The following SERPINB12 variants were observed in gnomAD, a reference collection of about 807,000 sequenced individuals.
The protein encoded by SERPINB12 is serpin B12.
In SERPINB12, 57 loss-of-function variants were observed where a neutral mutation model predicts 41.1. The ratio of observed to expected loss-of-function variants is 1.39; its 90% CI spans 1.12 to 1.73. SERPINB12 has a LOEUF of 1.73. Among genes scored for constraint, SERPINB12 ranks in the 40% most tolerant of loss-of-function variants. The pLI is 0.00. For synonymous variants in SERPINB12, 180 were observed against 181.3 expected, an observed-to-expected ratio of 0.99 and a Z score of 0.06; for missense variants, 536 against 501.9, an observed-to-expected ratio of 1.07 and a Z score of -0.65.
chr18:63,532,138 G>A, the SERPINB12 span, among the ~76,000 whole-genome samples: 68 of 152,214 alleles, frequency 4.5e-4, no homozygotes, highest in Non-Finnish European at 7.9e-4. Context: ...TTTTCTACTA[G>A]GGAAGACTGC....
the SERPINB12 span, among the ~76,000 whole-genome samples, chr18:63,533,755 C>T: frequency 6.6e-6 from 1 of 152,168 alleles, no homozygotes; most frequent in Admixed American, 6.5e-5. Context: ...GAACTTTCAT[C>T]GCCAAAGGAA....
intron 1 of SERPINB12, among the ~76,000 whole-genome samples, chr18:63,555,299 G>T (rs757636479): frequency 2.7e-4 from 41 of 152,294 alleles, no homozygotes; most frequent in Middle Eastern, 3.4e-3. Flanking sequence ...ATGGGAATTT[G>T]CTGGGCATAT....
chr18:63,540,484 C>A (rs1910251136), upstream of SERPINB12, among the ~76,000 whole-genome samples: 1 of 152,096 alleles, frequency 6.6e-6, no homozygotes, highest in African/African-American at 2.4e-5. Flanking sequence ...CAATTTGATA[C>A]AATGCATTCC....
the SERPINB12 span, among the ~76,000 whole-genome samples, chr18:63,532,213 G>A: frequency 6.6e-6 from 1 of 152,194 alleles, no homozygotes; most frequent in Non-Finnish European, 1.5e-5. Flanking sequence ...TTTAGTTCAA[G>A]AGACTCAGGG....
intron 5 of SERPINB12, among the ~76,000 whole-genome samples, chr18:63,562,813 T>A (rs1214909237): frequency 1.3e-5 from 2 of 152,230 alleles, no homozygotes; most frequent in African/African-American, 2.4e-5. Flanking sequence ...AATCTATTAT[T>A]ATGGGATTTA....
Position 63,559,598 on chromosome 18 carries a change from G to C in SERPINB12, c.324G>C (p.Glu108Asp). The C allele has an allele frequency of 6.2e-7, 1 of 1,614,088 alleles. No homozygotes were observed. The highest frequency in any genetic ancestry group is 8.5e-7 in the Non-Finnish European group (1 of 1,179,976). ...CTTAGGCTGGGTCCTTAAACAATGAGAGCGGACTGGTCAGCTGCTACTTTG... is the reference window on the plus strand; with the variant it reads ...CTTAGGCTGGGTCCTTAAACAATGACAGCGGACTGGTCAGCTGCTACTTTG... ...LDQQAGSLNN[E>D]SGLVSCYFGQ... is the part of the protein sequence containing the mutation. The change falls in exon 4 of 8, where the codon GAG (glutamate) becomes GAC (aspartate). Residue 108 changes from glutamate to aspartate, a missense_variant. Transcript: ENST00000382768.
In SERPINB12 at chr18:63,551,594, C is replaced by T. The variant is rs140527595; in HGVS notation, c.-18-4548C>T. 3.3e-3 allele frequency among the ~76,000 whole-genome samples: 507 copies of T among 152,168 alleles called. 2 individuals carry two copies. Among genetic ancestry groups the T allele is most frequent in the African/African-American group, 0.012 (494 of 41,532 alleles). ...CTTATGATGTGATGTGAGATCCATG[C>T]TATGTGTTTATTCTGCTGATGATGG... On this transcript the variant is annotated intron_variant, in intron 1 of 7. Transcript: ENST00000382768.
chr18:63,536,543 G>A, the SERPINB12 span, among the ~76,000 whole-genome samples: 1 of 152,068 alleles, frequency 6.6e-6, no homozygotes. Flanking sequence ...AGAAGAAATT[G>A]TCTTTCTTAT....
chr18:63,519,445 G>A, the SERPINB12 span, among the ~76,000 whole-genome samples: 5 of 152,198 alleles, frequency 3.3e-5, no homozygotes, highest in African/African-American at 9.7e-5. Context: ...AACCCTGTAA[G>A]GTAGGGACTG....
At chr18:63,558,271 C>T in intron 2 of SERPINB12, 81 bp from the exon 3 acceptor site, 1 of 1,399,972 alleles carries the variant, frequency 7.1e-7, no homozygotes. Flanking sequence ...TTGCCATTGT[C>T]TCATTATGAA....
At chr18:63,537,490 G>A (rs189356447), upstream of SERPINB12, among the ~76,000 whole-genome samples, 3 of 152,322 alleles carry the variant, frequency 2.0e-5, no homozygotes, top group South Asian at 2.1e-4. Flanking sequence ...GGTAATGATA[G>A]AGTTGGAACA....
upstream of SERPINB12, among the ~76,000 whole-genome samples, chr18:63,538,005 T>C (rs1245875885): frequency 6.6e-6 from 1 of 152,052 alleles, no homozygotes; most frequent in Non-Finnish European, 1.5e-5. Flanking sequence ...CTTATTCACT[T>C]CTAGATGCAT....
chr18:63,539,471 G>T (rs1410782818), upstream of SERPINB12, among the ~76,000 whole-genome samples: 1 of 152,004 alleles, frequency 6.6e-6, no homozygotes, highest in Non-Finnish European at 1.5e-5. Context: ...GGAAGAGAAG[G>T]TTCTAGATAT....
chr18:63,552,084 A>G (rs1254827918), intron 1 of SERPINB12, among the ~76,000 whole-genome samples: 1 of 152,176 alleles, frequency 6.6e-6, no homozygotes, highest in East Asian at 1.9e-4. Context: ...TGGGAAAATA[A>G]GGATTAGGGA....
chr18:63,554,102 A>C (rs749656153), intron 1 of SERPINB12, among the ~76,000 whole-genome samples: 2 of 152,210 alleles, frequency 1.3e-5, no homozygotes, highest in Non-Finnish European at 2.9e-5. Context: ...TGGCAGAAAG[A>C]AAATGTAGCA....
intron 5 of SERPINB12, 62 bp from the exon 6 acceptor site, chr18:63,563,912 AAATT>A (rs1911002270): frequency 1.1e-5 from 2 of 181,376 alleles, no homozygotes; most frequent in Non-Finnish European, 1.9e-5. Context: ...AAAAAAAAAA[AAATT>A]ATCTACACAA....
At chr18:63,535,447 G>C in the SERPINB12 span, among the ~76,000 whole-genome samples, 4 of 151,994 alleles carry the variant, frequency 2.6e-5, no homozygotes, top group African/African-American at 9.7e-5. Flanking sequence ...TAATCATGAG[G>C]AAACTTAAAA....
the SERPINB12 span, among the ~76,000 whole-genome samples, chr18:63,525,512 A>C: frequency 6.6e-6 from 1 of 152,196 alleles, no homozygotes; most frequent in Admixed American, 6.5e-5. Context: ...TAGTTGTTCT[A>C]TAAAATTTAA....
rs747096543 is a variant in SERPINB12, at chr18:63,565,459, T to C, written c.720T>C (p.Ser240=). The change falls in exon 7 of 8, where the codon AGT becomes AGC. Residue 240 remains serine (S), a synonymous_variant. Transcript: ENST00000382768. ...PFCLNANENK[S]VKMMTQKGLY... Reference sequence around the variant, plus strand: ...GACTACTACAGAATGAAAACAAGAGTGTGAAGATGATGACGCAAAAAGGCC... The same window carrying C: ...GACTACTACAGAATGAAAACAAGAGCGTGAAGATGATGACGCAAAAAGGCC... The C allele has an allele frequency of 1.2e-6, 2 of 1,612,752 alleles. No homozygotes were observed. The highest frequency in any genetic ancestry group is 1.7e-6 in the Non-Finnish European group (2 of 1,179,544).
Sources: gnomAD v4.1 joint callset for allele counts (sites outside exome capture counted in the v4.1 genomes callset) on GRCh38, gnomAD v4.1.1 for gene constraint, MANE v1.5 for transcripts, NCBI Gene and HGNC (gene_info 2026-07-23, HGNC 2026-07-21) for gene names.